Variants in ADCY9 observed in about 807,000 individuals in gnomAD.
ADCY9 encodes the protein adenylate cyclase 9, also known as adenylate cyclase type 9.
Under a neutral mutation model 101.5 loss-of-function variants are expected in ADCY9, and 50 were observed. The ratio of observed to expected loss-of-function variants is 0.49; its 90% CI spans 0.39 to 0.62. The LOEUF (loss-of-function observed/expected upper bound fraction) is 0.62. ADCY9 is among the 20% of genes least tolerant of loss of function. ADCY9 has a pLI of 0.00. For missense variants in ADCY9, 1,662 were observed against 1,800.4 expected, an observed-to-expected ratio of 0.92 and a Z score of 1.39; for synonymous variants, 905 against 769.3, an observed-to-expected ratio of 1.18 and a Z score of -2.92.
At chr16:4,096,208 G>C (rs1449353638) in intron 2 of ADCY9, among the ~76,000 whole-genome samples, 3 of 152,240 alleles carry the variant, frequency 2.0e-5, no homozygotes, top group East Asian at 1.9e-4. Flanking sequence ...GTGTCTAAAT[G>C]AGAGTTCGTA....
intron 2 of ADCY9, among the ~76,000 whole-genome samples, chr16:4,009,664 TG>T (rs2056390514): frequency 6.6e-6 from 1 of 152,232 alleles, no homozygotes; most frequent in African/African-American, 2.4e-5. Flanking sequence ...GACTGTAACA[TG>T]TATACACTGA....
At chr16:3,959,922 A>G (rs2055929094), downstream of ADCY9, among the ~76,000 whole-genome samples, 1 of 152,186 alleles carries the variant, frequency 6.6e-6, no homozygotes, top group Non-Finnish European at 1.5e-5. Flanking sequence ...GCTACTCAGG[A>G]GGCTGAGGCA....
rs377242313 is a variant in ADCY9, at chr16:4,005,889, C to T, written c.1884+1479G>A. On this transcript the variant is annotated intron_variant, in intron 3 of 10. Transcript: ENST00000294016. ...ACAATTCTTCCCCAAATAGCAAAAC[C>T]ATTCCCGATTCCACCCCACGCCAGC... Among the ~76,000 whole-genome samples, 39 of 152,292 alleles carry T rather than the reference C, an allele frequency of 2.6e-4. 1 individual carries two copies. The South Asian group carries it at 8.1e-3, about 32-fold the overall frequency.
chr16:4,013,656 C>T (rs2056418789), intron 2 of ADCY9, among the ~76,000 whole-genome samples: 1 of 152,180 alleles, frequency 6.6e-6, no homozygotes, highest in Non-Finnish European at 1.5e-5. Context: ...TGCATTCTTC[C>T]TCACGACTAG....
At chr16:4,018,845 A>G (rs2056455753) in intron 2 of ADCY9, among the ~76,000 whole-genome samples, 1 of 152,098 alleles carries the variant, frequency 6.6e-6, no homozygotes. Flanking sequence ...TTCTCCTGAG[A>G]TATCTCTGCT....
chr16:4,009,930 C>T lies in ADCY9; in HGVS notation c.1694-2372G>A, dbSNP rs1010053888. On this transcript the variant is annotated intron_variant, in intron 2 of 10. Coordinates refer to ENST00000294016, the MANE Select transcript of ADCY9 (RefSeq NM_001116.4). Reference sequence around the variant, plus strand: ...CTTCCCATGACTCCTGAGTGTGGCCCACAAGTCACCAGGTGGCAGGGTGGT... The same window carrying T: ...CTTCCCATGACTCCTGAGTGTGGCCTACAAGTCACCAGGTGGCAGGGTGGT... Among the ~76,000 whole-genome samples, 5 of 152,172 alleles carry T rather than the reference C, an allele frequency of 3.3e-5. No individual in the cohort carries two copies. The South Asian group carries it at 8.3e-4, about 25-fold the overall frequency.
At chr16:3,987,633 G>T (rs541904944) in intron 6 of ADCY9, among the ~76,000 whole-genome samples, 2 of 152,200 alleles carry the variant, frequency 1.3e-5, no homozygotes, top group African/African-American at 4.8e-5. Context: ...GACATTAACG[G>T]ATATTCACTG....
At chr16:4,083,333 G>A (rs1004083776) in intron 2 of ADCY9, among the ~76,000 whole-genome samples, 2 of 151,994 alleles carry the variant, frequency 1.3e-5, no homozygotes, top group Admixed American at 6.5e-5. Context: ...CACTAGTGTG[G>A]CTATAATAAA....
chr16:4,009,647 C>T (rs974711876), intron 2 of ADCY9, among the ~76,000 whole-genome samples: 1 of 152,180 alleles, frequency 6.6e-6, no homozygotes, highest in African/African-American at 2.4e-5. Context: ...TGCACAGGAT[C>T]AATCACGACT....
chr16:3,962,161 A>G (rs1021236185), downstream of ADCY9, among the ~76,000 whole-genome samples: 4 of 152,144 alleles, frequency 2.6e-5, 1 homozygote, highest in South Asian at 8.3e-4. Context: ...AGAAAATGGC[A>G]TGTGTGTTTT....
chr16:4,114,713 G>A lies in ADCY9; in HGVS notation c.730C>T (p.Leu244=), dbSNP rs1397424735. The A allele has an allele frequency of 1.9e-6, 3 of 1,613,024 alleles. No individual in the cohort carries two copies. Among genetic ancestry groups the A allele is most frequent in the African/African-American group, 1.3e-5 (1 of 74,924 alleles). The change falls in exon 2 of 11, where the codon CTG becomes TTG. Residue 244 remains leucine, a synonymous_variant. Coordinates refer to ENST00000294016, the MANE Select transcript of ADCY9 (RefSeq NM_001116.4). This position sits in a 1 kb window ranked among gnomAD's most constrained non-coding sequence, Gnocchi z 4.3. The part of the protein sequence containing the change: ...LYTVMHLPLY[L]SLCLGVAYSV... ...TAGGCCACCCCCAGACACAAACTCA[G>A]GTACAAAGGTAAGTGCATGACGGTA... is the stretch of plus-strand genomic sequence containing the variant.
Position 4,041,506 on chromosome 16 carries a change from CAAAAAAAAAAA to C in ADCY9, c.1694-33959_1694-33949del, listed in dbSNP as rs55669348. Among the ~76,000 whole-genome samples the C allele has an allele frequency of 3.2e-5, 3 of 94,594 alleles. No homozygotes were observed. The South Asian group carries it at 1.1e-3, about 33-fold the overall frequency. 62.1% of individuals were successfully genotyped at this position (94,594 alleles called of 152,430 possible). A position where few individuals can be genotyped will look rare whatever the true frequency, so the allele number is the denominator to read the frequency against. ...ACAAAGCAAGGCCCCGTATTAAAAC[CAAAAAAAAAAA>C]AAAAAAAAAAAGAGGCTCTTTCTAA... is the stretch of plus-strand genomic sequence containing the variant. On this transcript the variant is annotated intron_variant, in intron 2 of 10. Transcript: ENST00000294016.
chr16:4,008,974 A>G (rs1228569401), intron 2 of ADCY9, among the ~76,000 whole-genome samples: 1 of 152,206 alleles, frequency 6.6e-6, no homozygotes, highest in Non-Finnish European at 1.5e-5. Context: ...CGCTGGGTAC[A>G]TATTTGGTCA....
chr16:3,977,874 A>G (rs1469365128), intron 8 of ADCY9, among the ~76,000 whole-genome samples: 1 of 151,448 alleles, frequency 6.6e-6, no homozygotes, highest in Non-Finnish European at 1.5e-5. Flanking sequence ...CCGGCACCAC[A>G]CCTCGCTAAT....
At chr16:4,071,233 G>A (rs7499605) in intron 2 of ADCY9, among the ~76,000 whole-genome samples, 1 of 150,308 alleles carries the variant, frequency 6.7e-6, no homozygotes, top group Non-Finnish European at 1.5e-5. Flanking sequence ...GGGAGGCTGA[G>A]GCGGGAGAAT....
chr16:3,992,463 C>T lies in ADCY9; in HGVS notation c.1990-100G>A, dbSNP rs968628694. ...CCCCGACCTCCGCTGCGGGGCGCTG[C>T]TGCACTGGGCGTGGGACTTTCTGAC... On this transcript the variant is annotated intron_variant, in intron 4 of 10. Transcript: ENST00000294016. This position sits in a 1 kb window ranked among gnomAD's most constrained non-coding sequence, Gnocchi z 4.2. 8.5e-5 allele frequency: 94 copies of T among 1,104,600 alleles called. No individual in the cohort carries two copies. Among genetic ancestry groups the T allele is most frequent in the Non-Finnish European group, 1.1e-4 (85 of 768,952 alleles). The allele number at this position is 1,104,600 out of a possible 1,614,324, so 68.4% of individuals were successfully genotyped here.
intron 2 of ADCY9, among the ~76,000 whole-genome samples, chr16:4,056,460 G>A (rs2056738665): frequency 6.6e-6 from 1 of 152,156 alleles, no homozygotes; most frequent in African/African-American, 2.4e-5. Context: ...CACCATGTTG[G>A]CCAGGCTGGT....
chr16:3,971,151 C>A (rs2056048032), intron 10 of ADCY9, among the ~76,000 whole-genome samples: 1 of 152,024 alleles, frequency 6.6e-6, no homozygotes. Flanking sequence ...GCCCCTAATA[C>A]AAGCCTGGAC....
intron 2 of ADCY9, among the ~76,000 whole-genome samples, chr16:4,083,024 T>G (rs1288648421): frequency 6.6e-6 from 1 of 151,972 alleles, no homozygotes; most frequent in Admixed American, 6.6e-5. Context: ...AGGGAAGACA[T>G]CTCCCACGTG....
Sources: allele counts gnomAD v4.1 joint callset (sites outside exome capture counted in the v4.1 genomes callset), GRCh38; gene constraint gnomAD v4.1.1; non-coding constraint Gnocchi (gnomAD v3.1); transcripts MANE v1.5; gene names NCBI Gene and HGNC (gene_info 2026-07-23, HGNC 2026-07-21).